Variants in THNSL2 observed in about 807,000 individuals in gnomAD.
THNSL2 encodes the protein threonine synthase like 2, also known as threonine synthase-like 2.
Under a neutral mutation model 40.0 loss-of-function variants are expected in THNSL2, and 34 were observed. The ratio of observed to expected loss-of-function variants is 0.85; its 90% confidence interval spans 0.65 to 1.13. The LOEUF (loss-of-function observed/expected upper bound fraction) is 1.13. THNSL2 is among the 50% of genes most tolerant of loss of function. THNSL2 has a pLI of 0.00. For missense variants in THNSL2, 537 were observed against 608.8 expected, an observed-to-expected ratio of 0.88 and a Z score of 1.24; for synonymous variants, 241 against 247.5, an observed-to-expected ratio of 0.97 and a Z score of 0.25.
In THNSL2 at chr2:88,170,381, C is replaced by CGCAGCCCGG. The variant is rs1676221548; in HGVS notation, c.-80_-72dup. ...ACGCGGACTCGGGAGTGCGCACATT[C>CGCAGCCCGG]GCAGCCCGGGCAGCCCTGCTGCGCA... On this transcript the variant is annotated 5_prime_UTR_variant, in exon 1 of 9. Transcript: ENST00000674334. The CGCAGCCCGG allele has an allele frequency of 2.0e-5, 3 of 147,544 alleles. 1 individual carries two copies. The South Asian group carries it at 5.6e-4, about 28-fold the overall frequency. 9.1% of individuals were successfully genotyped at this position (147,544 alleles called of 1,614,324 possible).
chr2:88,185,665 A>G, intron 8 of THNSL2, 186 bp downstream of exon 8: 1 of 1,551,556 alleles, frequency 6.4e-7, no homozygotes, highest in Non-Finnish European at 8.7e-7. Context: ...TATCCCAGGG[A>G]CAGCCATGGT....
At position 88,173,300 on chromosome 2, in the gene THNSL2, C is replaced by G. The variant is rs917268762; in HGVS notation, c.150C>G (p.Ser50=). 5 of 1,612,526 alleles carry G rather than the reference C, an allele frequency of 3.1e-6. No homozygotes were observed. Among genetic ancestry groups the G allele is most frequent in the Non-Finnish European group, 4.2e-6 (5 of 1,179,938 alleles). ...CCCTGTGCCAGTGGAGCACACTCTC[C>G]TATCCTGGCCTGGTGAAGGAGCTGT... ...RGTLCQWSTL[S]YPGLVKELCA... The change falls in exon 2 of 9, where the codon TCC becomes TCG. Residue 50 remains serine, a synonymous_variant. Coordinates refer to ENST00000674334, the MANE Select transcript of THNSL2 (RefSeq NM_018271.5).
At chr2:88,178,009 C>G (rs1051928826) in intron 4 of THNSL2, among the ~76,000 whole-genome samples, 2 of 152,240 alleles carry the variant, frequency 1.3e-5, no homozygotes, top group African/African-American at 4.8e-5. Flanking sequence ...AATGCCTTCT[C>G]TGGCACGTTT....
chr2:88,172,121 T>C (rs1676440481), intron 1 of THNSL2: 1 of 152,272 alleles, frequency 6.6e-6, no homozygotes, highest in Non-Finnish European at 1.5e-5. Context: ...GAGAGCTATG[T>C]CTAGTCAAAT....
chr2:88,174,864 C>G (rs777884056), intron 3 of THNSL2, 31 bp downstream of exon 3: 8 of 1,607,532 alleles, frequency 5.0e-6, no homozygotes, highest in African/African-American at 1.3e-5. Context: ...CGCAGAATAC[C>G]TGAGTGCTGT....
intron 8 of THNSL2, 110 bp from the exon 9 acceptor site, chr2:88,185,788 C>A: frequency 6.5e-7 from 1 of 1,530,222 alleles, no homozygotes; most frequent in Admixed American, 2.0e-5. Context: ...GTCCTCCATA[C>A]CCCCCCATCC....
chr2:88,173,197 AG>A lies in THNSL2; in HGVS notation c.52del (p.Ala18ProfsTer38). The A allele has an allele frequency of 6.2e-7, 1 of 1,604,518 alleles. No individual in the cohort carries two copies. The highest frequency in any genetic ancestry group is 8.5e-7 in the Non-Finnish European group (1 of 1,174,796). The part of the protein sequence containing the change: ...TRGVAPRVNF[E>X]GALFSGYAPD... ...GGCGTAGCCCCACGGGTCAACTTTGAGGGGGCCCTCTTCTCTGGCTATGCAC... is the reference window on the plus strand; with the variant it reads ...GGCGTAGCCCCACGGGTCAACTTTGAGGGGCCCTCTTCTCTGGCTATGCAC... On this transcript the variant is annotated frameshift_variant, in exon 2 of 9. Coordinates refer to ENST00000674334, the MANE Select transcript of THNSL2 (RefSeq NM_018271.5). LOFTEE classifies it high-confidence loss of function.
chr2:88,178,814 G>C lies in THNSL2; in HGVS notation c.603G>C (p.Pro201=). ...GAAACAGCGATGAGCTCGATGAGCCGATCAAGACTGTGTTTGCCGATGTGG... is the reference window on the plus strand; with the variant it reads ...GAAACAGCGATGAGCTCGATGAGCCCATCAAGACTGTGTTTGCCGATGTGG... The part of the protein sequence containing the change: ...VEGNSDELDE[P]IKTVFADVAF... Residue 201 remains proline (P), a synonymous_variant, in exon 5 of 9, where the codon CCG becomes CCC. Transcript: ENST00000674334. The C allele has an allele frequency of 6.2e-7, 1 of 1,614,064 alleles. No individual in the cohort carries two copies. The highest frequency in any genetic ancestry group is 8.5e-7 in the Non-Finnish European group (1 of 1,179,976).
At chr2:88,179,496 T>A (rs1361064185) in intron 5 of THNSL2, among the ~76,000 whole-genome samples, 3 of 152,180 alleles carry the variant, frequency 2.0e-5, no homozygotes, top group Non-Finnish European at 4.4e-5. Flanking sequence ...TTTCTGTCCT[T>A]TACTAACTGA....
chr2:88,174,598 A>T (rs762202217), intron 2 of THNSL2, 41 bp from the exon 3 acceptor site: 16 of 1,585,404 alleles, frequency 1.0e-5, no homozygotes, highest in Non-Finnish European at 1.4e-5. Context: ...TGAGAAAGAG[A>T]CCAGGCCCCT....
At chr2:88,179,144 C>A in intron 5 of THNSL2, 131 bp downstream of exon 5, 1 of 928,286 alleles carries the variant, frequency 1.1e-6, no homozygotes, top group Non-Finnish European at 1.6e-6. Context: ...GATGGGAAAC[C>A]CCACAGAAGT....
At chr2:88,174,502 C>A in intron 2 of THNSL2, 137 bp from the exon 3 acceptor site, 1 of 835,916 alleles carries the variant, frequency 1.2e-6, no homozygotes, top group Non-Finnish European at 1.8e-6. Context: ...CAATTGTATT[C>A]AAAAATGGTA....
chr2:88,179,284 G>A (rs1222871112), intron 5 of THNSL2, among the ~76,000 whole-genome samples: 1 of 152,264 alleles, frequency 6.6e-6, no homozygotes, highest in South Asian at 2.1e-4. Flanking sequence ...TCAGCAGAGT[G>A]TGGAGAGGCA....
intron 2 of THNSL2, 111 bp from the exon 3 acceptor site, chr2:88,174,528 A>AT (rs1676699189): frequency 1.8e-6 from 2 of 1,125,674 alleles, no homozygotes; most frequent in African/African-American, 3.1e-5. Context: ...TAAGATGAAG[A>AT]TTTTTGGCCT....
At chr2:88,185,523 T>A (rs1326589973) in intron 8 of THNSL2, 44 bp downstream of exon 8, 10 of 1,567,156 alleles carry the variant, frequency 6.4e-6, no homozygotes, top group Non-Finnish European at 8.7e-6. Context: ...CCATTTGAAT[T>A]TCAGGGGCCC....
chr2:88,185,999 T>C lies in THNSL2; in HGVS notation c.1331T>C (p.Leu444Pro). The C allele has an allele frequency of 6.2e-7, 1 of 1,612,144 alleles. No individual in the cohort carries two copies. The highest frequency in any genetic ancestry group is 8.5e-7 in the Non-Finnish European group (1 of 1,179,396). ...TPETPAEIVA[L>P]EHKETRCTLM... is the part of the protein sequence containing the mutation. Reference sequence around the variant, plus strand: ...GAGACTCCCGCGGAGATCGTAGCCCTGGAGCACAAGGAGACACGCTGCACC... The same window carrying C: ...GAGACTCCCGCGGAGATCGTAGCCCCGGAGCACAAGGAGACACGCTGCACC... The change falls in exon 9 of 9, where the codon CTG (leucine) becomes CCG (proline). Residue 444 changes from leucine to proline, a missense_variant. Physicochemically the swap from Leu to Pro is moderately conservative, Grantham distance 98. Coordinates refer to ENST00000674334, the MANE Select transcript of THNSL2 (RefSeq NM_018271.5).
rs1234319147 is a variant in THNSL2, at chr2:88,186,255, G to A, written c.*132G>A. ...GGCTGCTCAGCTGGATCTGGAGCCA[G>A]CTGGCTTTGCTCCGTTCCCTGGCTA... On this transcript the variant is annotated 3_prime_UTR_variant, in exon 9 of 9. Coordinates refer to ENST00000674334, the MANE Select transcript of THNSL2 (RefSeq NM_018271.5). 4.4e-6 allele frequency: 4 copies of A among 904,444 alleles called. No individual in the cohort carries two copies. The highest frequency in any genetic ancestry group is 2.3e-5 in the Admixed American group (1 of 44,414). The allele number at this position is 904,444 out of a possible 1,614,324, so 56.0% of individuals were successfully genotyped here.
chr2:88,171,221 C>G (rs574880593), intron 1 of THNSL2: 1 of 454,796 alleles, frequency 2.2e-6, no homozygotes, highest in Admixed American at 2.4e-5. Flanking sequence ...GTGTATTTCT[C>G]TTTAGCTTTG....
At chr2:88,183,244 T>A in intron 7 of THNSL2, 171 bp downstream of exon 7, 2 of 885,934 alleles carry the variant, frequency 2.3e-6, no homozygotes, top group Non-Finnish European at 3.3e-6. Context: ...TGAGGAGAGG[T>A]AATAGAGAAC....
Sources: gnomAD v4.1 joint callset for allele counts (sites outside exome capture counted in the v4.1 genomes callset) on GRCh38, gnomAD v4.1.1 for gene constraint, MANE v1.5 for transcripts, NCBI Gene and HGNC (gene_info 2026-07-23, HGNC 2026-07-21) for gene names.